ARL5B: variants seen among roughly 807,000 people sequenced by gnomAD.
ARL5B encodes the protein ADP-ribosylation factor-like protein 5B.
A neutral mutation model predicts 26.9 loss-of-function variants in ARL5B; 10 were observed. The observed-to-expected ratio is 0.37, with a 90% confidence interval of 0.23 to 0.63. ARL5B has a LOEUF of 0.63. Among genes scored for constraint, ARL5B ranks in the 30% least tolerant of loss-of-function variants. The pLI is 0.62. For synonymous variants in ARL5B, 87 were observed against 70.4 expected (o/e 1.24, Z -1.18); for missense variants, 167 against 213.9 (o/e 0.78, Z 1.37).
At chr10:18,659,704 C>T in intron 1 of ARL5B, 21 bp downstream of exon 1, 2 of 1,608,748 alleles carry the variant, frequency 1.2e-6, no homozygotes, top group Non-Finnish European at 1.7e-6. Context: ...TGGAGCTGCG[C>T]GGCGGCTCGA....
intron 5 of ARL5B, among the ~76,000 whole-genome samples, chr10:18,674,638 G>A (rs1428389252): frequency 6.6e-6 from 1 of 152,138 alleles, no homozygotes; most frequent in Non-Finnish European, 1.5e-5. Context: ...TTGAATGTGG[G>A]TATTAGGCCA....
At position 18,676,440 on chromosome 10, in the gene ARL5B, A is replaced by C. The variant is rs1305330312; in HGVS notation, c.*1224A>C. ...TTAAAATTAAAAAAAGTCATAATCTATCAAAAGTTTATTTATTGGATGGCA... is the reference window on the plus strand; with the variant it reads ...TTAAAATTAAAAAAAGTCATAATCTCTCAAAAGTTTATTTATTGGATGGCA... On this transcript the variant is annotated 3_prime_UTR_variant, in exon 6 of 6. Transcript: ENST00000377275. The C allele has an allele frequency of 1.3e-5, 2 of 152,012 alleles. No individual in the cohort carries two copies. The highest frequency in any genetic ancestry group is 4.8e-5 in the African/African-American group (2 of 41,416). 9.4% of individuals were successfully genotyped at this position (152,012 alleles called of 1,614,324 possible). A position where few individuals can be genotyped will look rare whatever the true frequency, so the allele number is the denominator to read the frequency against.
Position 18,673,964 on chromosome 10 carries a change from A to AAAATTTTTTTT in ARL5B, c.340-20_340-19insAAATTTTTTTT. 1 of 1,578,640 alleles carries AAAATTTTTTTT rather than the reference A, an allele frequency of 6.3e-7. No homozygotes were observed. The highest frequency in any genetic ancestry group is 8.6e-7 in the Non-Finnish European group (1 of 1,162,908). ...AATTGTGGTATTTCACATATTAGAA[A>AAAATTTTTTTT]TATTTTGTCTTGATTGCAGGATTTA... On this transcript the variant is annotated intron_variant, in intron 4 of 5. Coordinates refer to ENST00000377275, the MANE Select transcript of ARL5B (RefSeq NM_178815.5).
At position 18,677,114 on chromosome 10, in the gene ARL5B, T is replaced by G. The variant is rs1350282104; in HGVS notation, c.*1898T>G. ...TGAATTTCTGCTTGGTTGTGTTGTT[T>G]ACCGTAAGTACTGAGGGTAGTTTCC... On this transcript the variant is annotated 3_prime_UTR_variant, in exon 6 of 6. Coordinates refer to ENST00000377275, the MANE Select transcript of ARL5B (RefSeq NM_178815.5). The G allele has an allele frequency of 6.6e-6, 1 of 151,942 alleles. No individual in the cohort carries two copies. Among genetic ancestry groups the G allele is most frequent in the Admixed American group, 6.6e-5 (1 of 15,160 alleles). The allele number at this position is 151,942 out of a possible 1,614,324, so 9.4% of individuals were successfully genotyped here. A position where few individuals can be genotyped will look rare whatever the true frequency, so the allele number is the denominator to read the frequency against.
intron 5 of ARL5B, 151 bp downstream of exon 5, chr10:18,674,286 C>G (rs1164574172): frequency 1.6e-6 from 1 of 624,324 alleles, no homozygotes; most frequent in Non-Finnish European, 2.4e-6. Flanking sequence ...GGCTTACAAC[C>G]TAGAAATAAT....
At chr10:18,668,383 C>CGCAAGTGTT in intron 2 of ARL5B, 147 bp from the exon 3 acceptor site, 1 of 732,890 alleles carries the variant, frequency 1.4e-6, no homozygotes, top group Non-Finnish European at 2.1e-6. Context: ...TATTGATTTG[C>CGCAAGTGTT]GCAAGTGTTC....
Position 18,660,715 on chromosome 10 carries a change from C to G in ARL5B, c.46+1032C>G, listed in dbSNP as rs569793512. 1.4e-4 allele frequency among the ~76,000 whole-genome samples: 21 copies of G among 152,230 alleles called. No individual in the cohort carries two copies. The East Asian group carries it at 3.7e-3, about 27-fold the overall frequency. On this transcript the variant is annotated intron_variant, in intron 1 of 5. Transcript: ENST00000377275. ...TTTTTCAAGGTTATAAATATAGATA[C>G]AGGCACACACATGTGTATATATATG...
At chr10:18,663,546 C>CTTTTTTTTTTTTTT (rs10645351) in intron 1 of ARL5B, among the ~76,000 whole-genome samples, 2 of 97,948 alleles carry the variant, frequency 2.0e-5, no homozygotes, top group Non-Finnish European at 3.7e-5. Flanking sequence ...TTATTCTGCT[C>CTTTTTTTTTTTTTT]TTTTTTTTTT....
chr10:18,661,536 T>C (rs2059836721), intron 1 of ARL5B, among the ~76,000 whole-genome samples: 1 of 152,236 alleles, frequency 6.6e-6, no homozygotes, highest in Non-Finnish European at 1.5e-5. Flanking sequence ...TTTATTCTTA[T>C]TCATTCATAC....
Position 18,671,963 on chromosome 10 carries a change from T to C in ARL5B, c.256-659T>C, listed in dbSNP as rs545723694. On this transcript the variant is annotated intron_variant, in intron 3 of 5. Transcript: ENST00000377275. The stretch of plus-strand genomic sequence containing the variant: ...CCACAATGCCTGGCCTATATCTTCT[T>C]ATTTTTTAATATGCAAACTCCCTTT... 1.5e-3 allele frequency among the ~76,000 whole-genome samples: 231 copies of C among 152,332 alleles called. 1 individual carries two copies. Among genetic ancestry groups the C allele is most frequent in the Admixed American group, 6.8e-3 (104 of 15,294 alleles).
At position 18,668,611 on chromosome 10, in the gene ARL5B, T is replaced by G; in HGVS notation, c.189T>G (p.Leu63=). 2 of 1,614,152 alleles carry G rather than the reference T, an allele frequency of 1.2e-6. No homozygotes were observed. Among genetic ancestry groups the G allele is most frequent in the Non-Finnish European group, 1.7e-6 (2 of 1,180,020 alleles). ...TAGTTGTGAAGAACACTCATTTTCT[T>G]ATGTGGGATATTGGTGGTCAGGAGT... ...EEIVVKNTHF[L]MWDIGGQESL... is the part of the protein sequence containing the mutation. The change falls in exon 3 of 6, where the codon CTT becomes CTG. Residue 63 remains leucine, a synonymous_variant. Coordinates refer to ENST00000377275, the MANE Select transcript of ARL5B (RefSeq NM_178815.5).
intron 4 of ARL5B, among the ~76,000 whole-genome samples, chr10:18,673,698 C>T (rs937380541): frequency 2.0e-5 from 3 of 151,890 alleles, no homozygotes; most frequent in African/African-American, 7.3e-5. Flanking sequence ...CAACATACTA[C>T]CATATTTGCC....
At chr10:18,663,978 G>A (rs977283472) in intron 1 of ARL5B, among the ~76,000 whole-genome samples, 3 of 151,736 alleles carry the variant, frequency 2.0e-5, no homozygotes, top group Non-Finnish European at 4.4e-5. Context: ...TGTTTGAGAC[G>A]GAGTGTTGCT....
chr10:18,675,291 G>A lies in ARL5B; in HGVS notation c.*75G>A, dbSNP rs564385949. On this transcript the variant is annotated 3_prime_UTR_variant, in exon 6 of 6. Coordinates refer to ENST00000377275, the MANE Select transcript of ARL5B (RefSeq NM_178815.5). The stretch of plus-strand genomic sequence containing the variant: ...TTTTCCTAGTACCTTTGGCTGCTAA[G>A]GCAGCAGCATGTTTAATTTATAACA... 4.7e-5 allele frequency: 66 copies of A among 1,405,214 alleles called. 1 individual carries two copies. In the South Asian group the frequency reaches 7.3e-4, roughly 16 times the overall value. The allele number at this position is 1,405,214 out of a possible 1,614,324, so 87.0% of individuals were successfully genotyped here. A position where few individuals can be genotyped will look rare whatever the true frequency, so the allele number is the denominator to read the frequency against.
rs556684317 is a variant in ARL5B at position 18,675,807 on chromosome 10, A to G, written c.*591A>G. 6.6e-6 allele frequency: 1 copy of G among 152,192 alleles called. No individual in the cohort carries two copies. The highest frequency in any genetic ancestry group is 6.5e-5 in the Admixed American group (1 of 15,278). The allele number at this position is 152,192 out of a possible 1,614,324, so 9.4% of individuals were successfully genotyped here. A position where few individuals can be genotyped will look rare whatever the true frequency, so the allele number is the denominator to read the frequency against. ...CCCCACATTACTGTTGAGTCATGGA[A>G]TAATGTTTAAGTTGTTATTTGCATG... On this transcript the variant is annotated 3_prime_UTR_variant, in exon 6 of 6. Transcript: ENST00000377275.
chr10:18,664,918 A>G, intron 1 of ARL5B, among the ~76,000 whole-genome samples: 1 of 152,200 alleles, frequency 6.6e-6, no homozygotes, highest in Admixed American at 6.5e-5. Context: ...AGTTGCTTCA[A>G]GAAGGAGCCA....
Position 18,675,579 on chromosome 10 carries a change from C to T in ARL5B, c.*363C>T, listed in dbSNP as rs1334714793. 1 of 200,190 alleles carries T rather than the reference C, an allele frequency of 5.0e-6. No individual in the cohort carries two copies. Among genetic ancestry groups the T allele is most frequent in the Admixed American group, 5.4e-5 (1 of 18,470 alleles). The allele number at this position is 200,190 out of a possible 1,614,324, so 12.4% of individuals were successfully genotyped here. Reference sequence around the variant, plus strand: ...GCTTTCAATTCTTGACCAGCACTCCCTCCCAACCAGAGAATTACTGGTTTG... The same window carrying T: ...GCTTTCAATTCTTGACCAGCACTCCTTCCCAACCAGAGAATTACTGGTTTG... On this transcript the variant is annotated 3_prime_UTR_variant, in exon 6 of 6. Coordinates refer to ENST00000377275, the MANE Select transcript of ARL5B (RefSeq NM_178815.5).
chr10:18,666,247 C>G (rs1240094841), intron 1 of ARL5B, among the ~76,000 whole-genome samples: 1 of 152,190 alleles, frequency 6.6e-6, no homozygotes, highest in Non-Finnish European at 1.5e-5. Flanking sequence ...AAAAAACTTA[C>G]ATTTAGGTTA....
intron 3 of ARL5B, among the ~76,000 whole-genome samples, chr10:18,668,896 A>G (rs1436499035): frequency 6.6e-6 from 1 of 151,858 alleles, no homozygotes; most frequent in Non-Finnish European, 1.5e-5. Context: ...CAGCCTCCCA[A>G]ATAGCAGGAA....
Sources: allele counts gnomAD v4.1 joint callset (sites outside exome capture counted in the v4.1 genomes callset), GRCh38; gene constraint gnomAD v4.1.1; transcripts MANE v1.5; gene names NCBI Gene and HGNC (gene_info 2026-07-23, HGNC 2026-07-21).